ERBB4: variants seen among roughly 807,000 people sequenced by gnomAD.
ERBB4 encodes the protein receptor tyrosine-protein kinase erbB-4.
In ERBB4, 42 loss-of-function variants were observed where a neutral mutation model predicts 158.0. The observed-to-expected ratio is 0.27, with a 90% CI of 0.21 to 0.34. ERBB4 has a LOEUF of 0.34. ERBB4 is among the 10% of genes least tolerant of loss of function. ERBB4 has a pLI of 1.00. For synonymous variants in ERBB4, 583 were observed against 558.7 expected (o/e 1.04, Z -0.61); for missense variants, 1,333 against 1,624.1 (o/e 0.82, Z 3.08).
chr2:211,996,058 C>A (rs530351238), intron 2 of ERBB4, among the ~76,000 whole-genome samples: 2 of 152,168 alleles, frequency 1.3e-5, no homozygotes, highest in South Asian at 4.2e-4. Context: ...CCTTGCAGTC[C>A]TAAAGGATAT....
At position 211,384,028 on chromosome 2, in the gene ERBB4, C is replaced by A. The variant is rs1360415506; in HGVS notation, c.3514G>T (p.Val1172Phe). ...YLNPVEENPF[V>F]SRRKNGDLQA... is the part of the protein sequence containing the mutation. ...AGGTCTCCATTTTTTCTCCGAGAAA[C>A]AAAAGGGTTCTCCTCCACTGGATTC... is the stretch of plus-strand genomic sequence containing the variant. Residue 1172 changes from valine to phenylalanine, a missense_variant, in exon 28 of 28, where the codon GTT (valine) becomes TTT (phenylalanine). By Grantham distance (50) the Val-to-Phe change is conservative. This residue lies in a region of ERBB4 where 252 missense variants were observed against 241.3 expected (regional missense o/e 1.04). Coordinates refer to ENST00000342788, the MANE Select transcript of ERBB4 (RefSeq NM_005235.3). 6.2e-7 allele frequency: 1 copy of A among 1,613,670 alleles called. No homozygotes were observed. The highest frequency in any genetic ancestry group is 8.5e-7 in the Non-Finnish European group (1 of 1,179,766).
intron 25 of ERBB4, among the ~76,000 whole-genome samples, chr2:211,416,464 G>A (rs986075962): frequency 6.6e-6 from 1 of 152,104 alleles, no homozygotes; most frequent in Non-Finnish European, 1.5e-5. Flanking sequence ...AATATACAAA[G>A]GGACAATGGC....
At chr2:212,285,024 T>A (rs7570768) in intron 1 of ERBB4, among the ~76,000 whole-genome samples, 63,905 of 151,934 alleles carry the variant, frequency 0.42, 14,876 homozygotes, top group East Asian at 0.74. Context: ...TTAATGTAAT[T>A]TGATAGCTCA....
intron 20 of ERBB4, among the ~76,000 whole-genome samples, chr2:211,528,732 A>G (rs1471449342): frequency 6.6e-6 from 1 of 152,094 alleles, no homozygotes; most frequent in Non-Finnish European, 1.5e-5. Context: ...ACACATGGAA[A>G]TTAACCAATA....
chr2:211,706,118 T>C (rs931675401), intron 9 of ERBB4, among the ~76,000 whole-genome samples: 2 of 152,216 alleles, frequency 1.3e-5, no homozygotes, highest in African/African-American at 4.8e-5. Flanking sequence ...CATACTATCC[T>C]AGGTAGAGAC....
chr2:211,616,937 C>A (rs2069413402), intron 19 of ERBB4, among the ~76,000 whole-genome samples: 1 of 152,006 alleles, frequency 6.6e-6, no homozygotes, highest in African/African-American at 2.4e-5. Context: ...GAAAATGACT[C>A]CTTTCATGGC....
At chr2:212,532,607 G>A (rs1305409870) in intron 1 of ERBB4, among the ~76,000 whole-genome samples, 3 of 152,176 alleles carry the variant, frequency 2.0e-5, no homozygotes, top group South Asian at 2.1e-4. Flanking sequence ...AAGGTAAGGC[G>A]ATTGAGACAG....
chr2:211,648,136 AT>A (rs2070845102), intron 16 of ERBB4, among the ~76,000 whole-genome samples: 1 of 151,914 alleles, frequency 6.6e-6, no homozygotes, highest in Non-Finnish European at 1.5e-5. Context: ...CAAATATCAA[AT>A]AAACGTCTCC....
chr2:211,649,522 T>C (rs2070903637), intron 16 of ERBB4, among the ~76,000 whole-genome samples: 1 of 151,894 alleles, frequency 6.6e-6, no homozygotes, highest in African/African-American at 2.4e-5. Context: ...AACTCTCGGA[T>C]TTCGGGGTCA....
chr2:211,617,824 T>G (rs2069450262), intron 19 of ERBB4, among the ~76,000 whole-genome samples: 1 of 152,106 alleles, frequency 6.6e-6, no homozygotes, highest in African/African-American at 2.4e-5. Context: ...GCATCATTTT[T>G]CATATGAAGG....
chr2:211,903,367 T>G (rs2079290606), intron 3 of ERBB4, among the ~76,000 whole-genome samples: 1 of 152,030 alleles, frequency 6.6e-6, no homozygotes, highest in Admixed American at 6.6e-5. Context: ...ACTTAATCCC[T>G]GGAAAATGAT....
At chr2:212,003,197 GAAAGAAAGACA>G (rs1559293597) in intron 2 of ERBB4, among the ~76,000 whole-genome samples, 734 of 58,816 alleles carry the variant, frequency 0.012, 89 homozygotes, top group Non-Finnish European at 0.026. Context: ...AAGAAAGAAA[GAAAGAAAGACA>G]GAAAGAAGGA....
chr2:211,779,197 G>A (rs1324555186), intron 4 of ERBB4: 1 of 152,152 alleles, frequency 6.6e-6, no homozygotes, highest in African/African-American at 2.4e-5. Context: ...GTCTTTAGCT[G>A]ATTAGCTACC....
At chr2:212,370,925 A>G (rs1264775758) in intron 1 of ERBB4, among the ~76,000 whole-genome samples, 1 of 152,198 alleles carries the variant, frequency 6.6e-6, no homozygotes, top group East Asian at 1.9e-4. Flanking sequence ...CATACTCAAT[A>G]TATCTAGTAC....
intron 20 of ERBB4, among the ~76,000 whole-genome samples, chr2:211,454,432 A>G (rs570666496): frequency 6.6e-6 from 1 of 152,230 alleles, no homozygotes; most frequent in African/African-American, 2.4e-5. Flanking sequence ...CTCTGACTCT[A>G]TGCTTTACAC....
At chr2:212,045,083 G>A (rs1337224353) in intron 2 of ERBB4, among the ~76,000 whole-genome samples, 2 of 152,114 alleles carry the variant, frequency 1.3e-5, no homozygotes, top group Non-Finnish European at 2.9e-5. Context: ...TATGAATCTT[G>A]CATAAAAATA....
At chr2:212,476,236 TA>T (rs1689388232) in intron 1 of ERBB4, among the ~76,000 whole-genome samples, 1 of 152,042 alleles carries the variant, frequency 6.6e-6, no homozygotes, top group Non-Finnish European at 1.5e-5. Flanking sequence ...TTGTAATTTA[TA>T]AATTTAATAA....
chr2:211,928,244 T>C (rs564226629), intron 3 of ERBB4, among the ~76,000 whole-genome samples: 1 of 152,148 alleles, frequency 6.6e-6, no homozygotes, highest in East Asian at 1.9e-4. Flanking sequence ...TTCATCTGTA[T>C]GTAGGATTAT....
intron 4 of ERBB4, among the ~76,000 whole-genome samples, chr2:211,765,203 A>G (rs1478460164): frequency 1.3e-5 from 2 of 152,176 alleles, no homozygotes; most frequent in Non-Finnish European, 2.9e-5. Flanking sequence ...ACAAGATTCA[A>G]ACTCATGTAG....
Sources: allele counts gnomAD v4.1 joint callset (sites outside exome capture counted in the v4.1 genomes callset), GRCh38; gene constraint gnomAD v4.1.1; regional missense constraint gnomAD v4.1.1; transcripts MANE v1.5; gene names NCBI Gene and HGNC (gene_info 2026-07-23, HGNC 2026-07-21).